Variants in CDH8 observed in about 807,000 individuals in gnomAD.
CDH8 encodes cadherin-8.
In CDH8, 17 loss-of-function variants were observed where a neutral mutation model predicts 68.1. The observed-to-expected ratio is 0.25, with a 90% CI of 0.17 to 0.37. The LOEUF (loss-of-function observed/expected upper bound fraction) is 0.37, where lower values mean the gene tolerates loss of function less well. Among genes scored for constraint, CDH8 ranks in the 10% least tolerant of loss-of-function variants. The probability of loss-of-function intolerance (pLI) is 1.00; values close to 1 mark genes in which losing one functional copy is unlikely to be tolerated. For missense variants in CDH8, 763 were observed against 999.3 expected, an observed-to-expected ratio of 0.76 and a Z score of 3.19; for synonymous variants, 372 against 365.1, an observed-to-expected ratio of 1.02 and a Z score of -0.21.
chr16:61,908,792 G>A (rs956583613), intron 2 of CDH8, among the ~76,000 whole-genome samples: 2 of 151,954 alleles, frequency 1.3e-5, no homozygotes, highest in Non-Finnish European at 2.9e-5. Context: ...TCTTTCATTC[G>A]GTCCTTCCAT....
intron 1 of CDH8, among the ~76,000 whole-genome samples, chr16:62,035,635 T>C (rs1404005423): frequency 1.3e-5 from 2 of 152,134 alleles, no homozygotes; most frequent in Non-Finnish European, 2.9e-5. Flanking sequence ...CCCCCTCGCC[T>C]CCTTTTTTCC....
rs536352236 is a variant in CDH8, at chr16:61,970,400, T to C, written c.252+50752A>G. Among the ~76,000 whole-genome samples, 4 of 152,234 alleles carry C rather than the reference T, an allele frequency of 2.6e-5. No individual in the cohort carries two copies. The East Asian group carries it at 7.7e-4, about 29-fold the overall frequency. On this transcript the variant is annotated intron_variant, in intron 2 of 11. Coordinates refer to ENST00000577390, the MANE Select transcript of CDH8 (RefSeq NM_001796.5). ...ATAAGTAGAAGTTAAATAAAAGTCA[T>C]TAAAGGCATAGAAAAATGGGAAACT...
chr16:61,662,796 A>AG (rs1485684928), intron 10 of CDH8, among the ~76,000 whole-genome samples: 1 of 151,860 alleles, frequency 6.6e-6, no homozygotes, highest in Non-Finnish European at 1.5e-5. Flanking sequence ...ATTTTATGTA[A>AG]GAGACTTTGT....
chr16:61,781,850 T>C (rs1376956365), intron 8 of CDH8, among the ~76,000 whole-genome samples: 7 of 152,168 alleles, frequency 4.6e-5, no homozygotes, highest in African/African-American at 1.7e-4. Flanking sequence ...CAAACCAAAA[T>C]CACCAAATGG....
At chr16:61,700,492 G>A (rs935427742) in intron 10 of CDH8, among the ~76,000 whole-genome samples, 1 of 152,010 alleles carries the variant, frequency 6.6e-6, no homozygotes. Context: ...TGTTGGCCAG[G>A]ATGGTCTCGA....
chr16:61,782,836 C>A (rs1051402509), intron 8 of CDH8, among the ~76,000 whole-genome samples: 1 of 151,894 alleles, frequency 6.6e-6, no homozygotes, highest in Non-Finnish European at 1.5e-5. Context: ...CACACTGACA[C>A]CTCACATGGC....
intron 1 of CDH8, 108 bp from the exon 2 acceptor site, chr16:62,021,710 A>T: frequency 2.1e-6 from 1 of 474,568 alleles, no homozygotes; most frequent in Non-Finnish European, 3.4e-6. Context: ...GCACTTCTCA[A>T]ACTCTTGAGT....
chr16:61,825,238 G>A (rs1433334419), intron 4 of CDH8, 59 bp from the exon 5 acceptor site: 2 of 1,389,754 alleles, frequency 1.4e-6, no homozygotes, highest in East Asian at 2.3e-5. Context: ...AAATGAAAGT[G>A]TTAATCTCAC....
chr16:61,960,515 C>T (rs148396557), intron 2 of CDH8, among the ~76,000 whole-genome samples: 4 of 151,770 alleles, frequency 2.6e-5, no homozygotes, highest in Admixed American at 1.3e-4. Flanking sequence ...TGCCATCACT[C>T]GGTAAAAGTG....
At chr16:62,026,461 A>G (rs902476972) in intron 1 of CDH8, among the ~76,000 whole-genome samples, 6 of 152,172 alleles carry the variant, frequency 3.9e-5, no homozygotes, top group Non-Finnish European at 8.8e-5. Flanking sequence ...CAGACCTCCT[A>G]GAGATAACCT....
At chr16:61,720,159 G>C (rs1358366752) in intron 9 of CDH8, among the ~76,000 whole-genome samples, 1 of 150,852 alleles carries the variant, frequency 6.6e-6, no homozygotes, top group Admixed American at 6.6e-5. Context: ...GTGAAGGTGT[G>C]TATCTACATA....
rs192297452 is a variant in CDH8 at position 61,874,154 on chromosome 16, C to G, written c.548-16916G>C. Among the ~76,000 whole-genome samples, 208 of 151,830 alleles carry G rather than the reference C, an allele frequency of 1.4e-3. 1 individual carries two copies. The highest frequency in any genetic ancestry group is 5.0e-3 in the African/African-American group (205 of 41,372). ...ATGAGAGTTCTCATCTCATGTACCCCCAAAATATATATACCTACTATGTAC... is the reference window on the plus strand; with the variant it reads ...ATGAGAGTTCTCATCTCATGTACCCGCAAAATATATATACCTACTATGTAC... On this transcript the variant is annotated intron_variant, in intron 3 of 11. Transcript: ENST00000577390.
At chr16:61,732,851 A>T (rs1163013388) in intron 8 of CDH8, among the ~76,000 whole-genome samples, 1 of 151,824 alleles carries the variant, frequency 6.6e-6, no homozygotes, top group African/African-American at 2.4e-5. Context: ...TCAAAATGTA[A>T]TATGTTTGCC....
chr16:62,031,152 G>C (rs1423710491), intron 1 of CDH8, among the ~76,000 whole-genome samples: 3 of 152,104 alleles, frequency 2.0e-5, no homozygotes, highest in Non-Finnish European at 4.4e-5. Flanking sequence ...ATTCTTTGAT[G>C]CAAGTCTAGT....
intron 2 of CDH8, among the ~76,000 whole-genome samples, chr16:61,940,945 C>G (rs1167900827): frequency 6.6e-6 from 1 of 152,196 alleles, no homozygotes; most frequent in Non-Finnish European, 1.5e-5. Flanking sequence ...ATCATAAAAA[C>G]AGTAATAGCA....
rs758237421 is a variant in CDH8 at position 61,653,834 on chromosome 16, A to G, written c.2174T>C (p.Ile725Thr). ...ATCTGCCTCATGCAGCCTTACATTTATAAATTCATCGACATCAACACCATT... is the reference window on the plus strand; with the variant it reads ...ATCTGCCTCATGCAGCCTTACATTTGTAAATTCATCGACATCAACACCATT... Reference protein sequence around the residue: ...VPNGVDVDEFINVRLHEADND... With the variant: ...VPNGVDVDEFTNVRLHEADND... Residue 725 changes from isoleucine to threonine, a missense_variant, in exon 12 of 12, where the codon ATA (isoleucine) becomes ACA (threonine). Ile to Thr is a moderately conservative substitution (Grantham distance 89, BLOSUM62 -1). This residue lies in a region of CDH8 where 397 missense variants were observed against 436.2 expected (regional missense o/e 0.91). Coordinates refer to ENST00000577390, the MANE Select transcript of CDH8 (RefSeq NM_001796.5). 11 of 1,614,188 alleles carry G rather than the reference A, an allele frequency of 6.8e-6. No homozygotes were observed. The highest frequency in any genetic ancestry group is 9.3e-6 in the Non-Finnish European group (11 of 1,180,032).
rs1964532365 is a variant in CDH8 at position 61,931,049 on chromosome 16, C to T, written c.253-29576G>A. Among the ~76,000 whole-genome samples the T allele has an allele frequency of 2.0e-5, 3 of 152,202 alleles. No individual in the cohort carries two copies. In the South Asian group the frequency reaches 6.2e-4, roughly 31 times the overall value. ...ATAGTCATGTCAAAGACAGTACTTA[C>T]TGCAGCATTTTCTGTGTATTTGATT... On this transcript the variant is annotated intron_variant, in intron 2 of 11. Coordinates refer to ENST00000577390, the MANE Select transcript of CDH8 (RefSeq NM_001796.5).
intron 10 of CDH8, among the ~76,000 whole-genome samples, chr16:61,683,607 C>T (rs1284195197): frequency 2.0e-5 from 3 of 151,926 alleles, no homozygotes; most frequent in Non-Finnish European, 2.9e-5. Context: ...TATTAAAGGA[C>T]ATTTGGGTAT....
At chr16:61,708,816 C>T (rs1442045019) in intron 10 of CDH8, among the ~76,000 whole-genome samples, 1 of 152,168 alleles carries the variant, frequency 6.6e-6, no homozygotes, top group African/African-American at 2.4e-5. Flanking sequence ...GTCACACCTC[C>T]TGTTTCATGC....
Sources: gnomAD v4.1 joint callset for allele counts (sites outside exome capture counted in the v4.1 genomes callset) on GRCh38, gnomAD v4.1.1 for gene constraint, gnomAD v4.1.1 regional missense constraint, MANE v1.5 for transcripts, NCBI Gene and HGNC (gene_info 2026-07-23, HGNC 2026-07-21) for gene names.